The following MMD2 variants were observed in gnomAD, a reference collection of about 807,000 sequenced individuals.
MMD2 encodes monocyte to macrophage differentiation factor 2.
Under a neutral mutation model 33.5 loss-of-function variants are expected in MMD2, and 30 were observed. That is an observed-to-expected ratio of 0.90 (90% CI 0.67 to 1.22). MMD2 has a LOEUF of 1.22. MMD2 is among the 50% of genes most tolerant of loss of function. The probability of loss-of-function intolerance (pLI) is 0.00; values close to 1 mark genes in which losing one functional copy is unlikely to be tolerated. For missense variants in MMD2, 364 were observed against 325.4 expected, an observed-to-expected ratio of 1.12 and a Z score of -0.91; for synonymous variants, 129 against 123.0, an observed-to-expected ratio of 1.05 and a Z score of -0.32.
downstream of MMD2, among the ~76,000 whole-genome samples, chr7:4,902,034 C>G (rs531927632): frequency 1.3e-5 from 2 of 152,318 alleles, no homozygotes; most frequent in African/African-American, 4.8e-5. Context: ...TCATTGCAAC[C>G]TCTGCCTCCC....
intron 1 of MMD2, among the ~76,000 whole-genome samples, chr7:4,930,836 GT>G (rs1354850281): frequency 4.6e-5 from 7 of 151,910 alleles, no homozygotes; most frequent in Admixed American, 2.6e-4. Context: ...TGTCGTGCTT[GT>G]TTTTTTCTTT....
chr7:4,904,932 C>T (rs989560906), downstream of MMD2, among the ~76,000 whole-genome samples: 1 of 152,192 alleles, frequency 6.6e-6, no homozygotes, highest in African/African-American at 2.4e-5. Context: ...GGGGAAGCCC[C>T]TAAGTCAGAG....
intron 4 of MMD2, among the ~76,000 whole-genome samples, chr7:4,913,385 G>A (rs73314092): frequency 0.024 from 3,662 of 152,148 alleles, 156 homozygotes; most frequent in African/African-American, 0.085. Context: ...AATTCACTTG[G>A]ACTCTAAAGT....
At position 4,958,964 on chromosome 7, in the gene MMD2, C is replaced by A; in HGVS notation, c.47+7G>T. The A allele has an allele frequency of 7.0e-6, 9 of 1,290,190 alleles. No individual in the cohort carries two copies. The highest frequency in any genetic ancestry group is 8.9e-6 in the Non-Finnish European group (9 of 1,012,744). 79.9% of individuals were successfully genotyped at this position (1,290,190 alleles called of 1,614,324 possible). A position where few individuals can be genotyped will look rare whatever the true frequency, so the allele number is the denominator to read the frequency against. On this transcript the variant is annotated splice_region_variant and intron_variant, in intron 1 of 6. Coordinates refer to ENST00000401401, the MANE Select transcript of MMD2 (RefSeq NM_198403.4). ...CCTCCCCGCGGACCTCCGCGGCCGC[C>A]GCTCACCTCGCGTATTTCGTCTTCT...
At chr7:4,908,389 A>C (rs1314074367) in intron 6 of MMD2, among the ~76,000 whole-genome samples, 1 of 151,740 alleles carries the variant, frequency 6.6e-6, no homozygotes, top group Non-Finnish European at 1.5e-5. Flanking sequence ...TGATCTGCCC[A>C]CCTTGGCCTC....
At chr7:4,925,845 C>T (rs1301625721) in intron 1 of MMD2, among the ~76,000 whole-genome samples, 1 of 152,178 alleles carries the variant, frequency 6.6e-6, no homozygotes, top group Non-Finnish European at 1.5e-5. Context: ...GATGGAGTCT[C>T]GCTCTGTCGA....
chr7:4,947,252 G>T (rs148564844), intron 1 of MMD2, among the ~76,000 whole-genome samples: 44 of 152,184 alleles, frequency 2.9e-4, no homozygotes, highest in Non-Finnish European at 4.4e-4. Context: ...GTTGGTTCAT[G>T]ATTCTGCAGG....
Position 4,922,707 on chromosome 7 carries a change from T to C in MMD2, c.130-2376A>G, listed in dbSNP as rs553465389. 2.6e-5 allele frequency among the ~76,000 whole-genome samples: 4 copies of C among 152,200 alleles called. No homozygotes were observed. In the East Asian group the frequency reaches 7.7e-4, roughly 29 times the overall value. ...CTCTTGCCTTGGCCTCCTGAGTAGC[T>C]GGGACCACAGACACATGCCACTGCG... On this transcript the variant is annotated intron_variant, in intron 2 of 6. Transcript: ENST00000401401.
chr7:4,917,692 C>CA lies in MMD2; in HGVS notation c.291-1614dup, dbSNP rs1474606145. ...GGGCAACAAGAGTGAAACTCTGTCT[C>CA]AAAAAAAAAATAAAAAATAGATAAA... On this transcript the variant is annotated intron_variant, in intron 3 of 6. Coordinates refer to ENST00000401401, the MANE Select transcript of MMD2 (RefSeq NM_198403.4). Among the ~76,000 whole-genome samples, 398 of 138,526 alleles carry CA rather than the reference C, an allele frequency of 2.9e-3. 1 individual carries two copies. The highest frequency in any genetic ancestry group is 6.9e-3 in the African/African-American group (264 of 38,168). The allele number at this position is 138,526 out of a possible 152,430, so 90.9% of individuals were successfully genotyped here. A position where few individuals can be genotyped will look rare whatever the true frequency, so the allele number is the denominator to read the frequency against.
chr7:4,896,894 C>G, the MMD2 span, among the ~76,000 whole-genome samples: 2 of 151,874 alleles, frequency 1.3e-5, no homozygotes, highest in Non-Finnish European at 2.9e-5. Flanking sequence ...GAGTCTCGCT[C>G]TGTAGCCCAG....
At chr7:4,929,678 C>T (rs1785524829) in intron 1 of MMD2, among the ~76,000 whole-genome samples, 1 of 151,978 alleles carries the variant, frequency 6.6e-6, no homozygotes, top group African/African-American at 2.4e-5. Flanking sequence ...GCGCCCGCCA[C>T]CACACTCGGC....
At chr7:4,957,412 G>A (rs546362883) in intron 1 of MMD2, among the ~76,000 whole-genome samples, 94 of 152,092 alleles carry the variant, frequency 6.2e-4, no homozygotes, top group Non-Finnish European at 1.2e-3. Context: ...ACTTTGGGAG[G>A]CCGAGGCGGG....
intron 1 of MMD2, among the ~76,000 whole-genome samples, chr7:4,950,044 T>C (rs955368485): frequency 5.9e-5 from 9 of 151,766 alleles, no homozygotes; most frequent in African/African-American, 2.2e-4. Context: ...TTTTTAAGCA[T>C]ACAATTTGCT....
intron 2 of MMD2, among the ~76,000 whole-genome samples, chr7:4,922,698 C>G (rs974310124): frequency 2.0e-5 from 3 of 152,118 alleles, no homozygotes; most frequent in African/African-American, 7.2e-5. Context: ...CCTTGGCCTC[C>G]TGAGTAGCTG....
downstream of MMD2, among the ~76,000 whole-genome samples, chr7:4,905,536 G>A (rs1214203703): frequency 1.3e-5 from 2 of 152,044 alleles, no homozygotes; most frequent in Non-Finnish European, 2.9e-5. The surrounding 1 kb of genome is among the most constrained non-coding windows in gnomAD (Gnocchi z 5.0). Context: ...GTAGTCCCAA[G>A]TCACTGGTCC....
intron 1 of MMD2, 99 bp downstream of exon 1, chr7:4,958,872 C>T: frequency 9.2e-7 from 1 of 1,086,300 alleles, no homozygotes; most frequent in Non-Finnish European, 1.2e-6. Flanking sequence ...CCCTCTAGCG[C>T]TCCGGGCGGC....
At chr7:4,915,416 A>G (rs999629888) in intron 4 of MMD2, among the ~76,000 whole-genome samples, 2 of 152,018 alleles carry the variant, frequency 1.3e-5, no homozygotes, top group Admixed American at 1.3e-4. Flanking sequence ...ATATATGTAG[A>G]CACATATGCA....
rs535891708 is a variant in MMD2, at chr7:4,940,049, T to G, written c.48-14517A>C. Among the ~76,000 whole-genome samples the G allele has an allele frequency of 6.6e-6, 1 of 152,216 alleles. No individual in the cohort carries two copies. The highest frequency in any genetic ancestry group is 2.1e-4 in the South Asian group (1 of 4,828). ...GAGCCACCGCACCTGGCCCAATCTA[T>G]TTCTATAAATTTCAAGAACAGGCAG... On this transcript the variant is annotated intron_variant, in intron 1 of 6. Coordinates refer to ENST00000401401, the MANE Select transcript of MMD2 (RefSeq NM_198403.4). The surrounding 1 kb of genome is among the most constrained non-coding windows in gnomAD (Gnocchi z 5.0).
At chr7:4,924,667 G>A (rs1785375874) in intron 2 of MMD2, among the ~76,000 whole-genome samples, 2 of 152,190 alleles carry the variant, frequency 1.3e-5, no homozygotes, top group Admixed American at 6.6e-5. Context: ...AGACTTTGTT[G>A]GGGAACATTT....
Sources: allele counts gnomAD v4.1 joint callset (sites outside exome capture counted in the v4.1 genomes callset), GRCh38; gene constraint gnomAD v4.1.1; non-coding constraint Gnocchi (gnomAD v3.1); transcripts MANE v1.5; gene names NCBI Gene and HGNC (gene_info 2026-07-23, HGNC 2026-07-21).